Variants in GSR observed in about 807,000 individuals in gnomAD.
The protein encoded by GSR is glutathione-disulfide reductase, also known as glutathione reductase, mitochondrial.
Under a neutral mutation model 56.5 loss-of-function variants are expected in GSR, and 48 were observed. The ratio of observed to expected loss-of-function variants is 0.85; its 90% CI spans 0.67 to 1.08. The LOEUF (loss-of-function observed/expected upper bound fraction) is 1.08. GSR is among the 50% of genes least tolerant of loss of function. GSR has a pLI of 0.00. For synonymous variants in GSR, 264 were observed against 270.8 expected (o/e 0.97, Z 0.25); for missense variants, 694 against 703.3 (o/e 0.99, Z 0.15).
chr8:30,714,238 G>A (rs1804251955), intron 1 of GSR, among the ~76,000 whole-genome samples: 1 of 104,662 alleles, frequency 9.6e-6, no homozygotes, highest in African/African-American at 3.7e-5. Flanking sequence ...TTGAGACAGA[G>A]TCTTGCTCTG....
In GSR at chr8:30,722,279, C is replaced by T. The variant is rs192110790; in HGVS notation, c.306+5251G>A. Among the ~76,000 whole-genome samples, 589 of 152,330 alleles carry T rather than the reference C, an allele frequency of 3.9e-3. 3 individuals carry two copies. The highest frequency in any genetic ancestry group is 6.9e-3 in the Non-Finnish European group (468 of 68,036). On this transcript the variant is annotated intron_variant, in intron 1 of 12. Coordinates refer to ENST00000221130, the MANE Select transcript of GSR (RefSeq NM_000637.5). ...TTTATGGCCACTCCTTTATTTGTCA[C>T]TTATGAATATGGGTGGGCCCCATTC...
intron 10 of GSR, 69 bp downstream of exon 10, chr8:30,684,019 G>C (rs143145312): frequency 1.2e-6 from 1 of 835,004 alleles, no homozygotes; most frequent in Non-Finnish European, 2.1e-6. Flanking sequence ...CTGCAGATTT[G>C]ACAGTGAAGA....
At chr8:30,716,483 G>A (rs1236998382) in intron 1 of GSR, among the ~76,000 whole-genome samples, 1 of 152,206 alleles carries the variant, frequency 6.6e-6, no homozygotes, top group Non-Finnish European at 1.5e-5. Context: ...AACATGACAT[G>A]ACTTCAGCGC....
rs755631881 is a variant in GSR at position 30,681,953 on chromosome 8, A to G, written c.1262T>C (p.Ile421Thr). ...ACCTTCCGTGAGTCCCACTGTCCCAATAGGGGGGTGGCTGAAGACCACAGT... is the reference window on the plus strand; with the variant it reads ...ACCTTCCGTGAGTCCCACTGTCCCAGTAGGGGGGTGGCTGAAGACCACAGT... ...IPTVVFSHPPIGTVGLTEDEA... is the reference protein window; with the variant it reads ...IPTVVFSHPPTGTVGLTEDEA... Residue 421 changes from isoleucine (I) to threonine (T), a missense_variant, in exon 11 of 13, where the codon ATT (isoleucine) becomes ACT (threonine). Transcript: ENST00000221130. 2.5e-6 allele frequency: 4 copies of G among 1,613,654 alleles called. No individual in the cohort carries two copies. The highest frequency in any genetic ancestry group is 2.7e-5 in the African/African-American group (2 of 74,942).
chr8:30,702,071 C>G (rs1272311386), intron 5 of GSR, among the ~76,000 whole-genome samples: 3 of 150,962 alleles, frequency 2.0e-5, no homozygotes, highest in Non-Finnish European at 1.5e-5. Flanking sequence ...AATAATAGGC[C>G]GGGCACAGTG....
rs986326872 is a variant in GSR, at chr8:30,713,839, C to G, written c.307-1751G>C. ...GAAAAGTAGTCACATATTATGCTCC[C>G]GTGTCCAAAGATGCATTTATGGGGC... On this transcript the variant is annotated intron_variant, in intron 1 of 12. Coordinates refer to ENST00000221130, the MANE Select transcript of GSR (RefSeq NM_000637.5). Among the ~76,000 whole-genome samples, 8 of 152,118 alleles carry G rather than the reference C, an allele frequency of 5.3e-5. 1 individual carries two copies. The highest frequency in any genetic ancestry group is 5.2e-4 in the Admixed American group (8 of 15,258).
At chr8:30,717,001 G>A (rs1041511336) in intron 1 of GSR, among the ~76,000 whole-genome samples, 5 of 152,152 alleles carry the variant, frequency 3.3e-5, no homozygotes, top group African/African-American at 4.8e-5. Context: ...ACTTCGGGAG[G>A]CCGAGGCGGG....
intron 9 of GSR, among the ~76,000 whole-genome samples, chr8:30,688,097 C>A (rs780837027): frequency 1.8e-4 from 28 of 152,180 alleles, no homozygotes; most frequent in Non-Finnish European, 8.8e-5. Context: ...ACAGACAGCA[C>A]GGGTAGAGCC....
intron 6 of GSR, among the ~76,000 whole-genome samples, chr8:30,697,473 T>C (rs571660396): frequency 6.7e-6 from 1 of 149,524 alleles, no homozygotes; most frequent in African/African-American, 2.5e-5. Context: ...AAAGTAAAAA[T>C]AAAAATTATC....
intron 2 of GSR, among the ~76,000 whole-genome samples, chr8:30,710,714 C>CAAAAAAAAAAAAAAAAAAAAAAAAAAAA (rs60532553): frequency 2.2e-4 from 11 of 51,032 alleles, no homozygotes; most frequent in South Asian, 6.8e-4. Context: ...GACTCTGTCT[C>CAAAAAAAAAAAAAAAAAAAAAAAAAAAA]AAAAAAAAAA....
intron 3 of GSR, among the ~76,000 whole-genome samples, chr8:30,708,996 T>C (rs1298583220): frequency 6.8e-6 from 1 of 146,046 alleles, no homozygotes; most frequent in Non-Finnish European, 1.5e-5. Context: ...AACCCAAAAA[T>C]TCACTAACAA....
intron 1 of GSR, among the ~76,000 whole-genome samples, chr8:30,724,338 A>G (rs2739002): frequency 0.91 from 138,651 of 152,136 alleles, 64,100 homozygotes; most frequent in East Asian, 1. Flanking sequence ...GCTCAAACCC[A>G]CCCCTGCCCC....
Position 30,727,736 on chromosome 8 carries a change from C to G in GSR, c.100G>C (p.Ala34Pro). Residue 34 changes from alanine (A) to proline (P), a missense_variant, in exon 1 of 13, where the codon GCG (alanine) becomes CCG (proline). Coordinates refer to ENST00000221130, the MANE Select transcript of GSR (RefSeq NM_000637.5). Reference protein sequence around the residue: ...RGFLLLLPEPAALTRALSRAM... With the variant: ...RGFLLLLPEPPALTRALSRAM... ...CGGGAGAGGGCGCGCGTGAGGGCCG[C>G]GGGCTCGGGCAGAAGCAGCAGGAAG... The G allele has an allele frequency of 7.1e-7, 1 of 1,398,658 alleles. No homozygotes were observed. The highest frequency in any genetic ancestry group is 9.3e-7 in the Non-Finnish European group (1 of 1,079,344). The allele number at this position is 1,398,658 out of a possible 1,614,324, so 86.6% of individuals were successfully genotyped here.
chr8:30,710,687 G>C (rs1025736517), intron 2 of GSR, among the ~76,000 whole-genome samples: 6 of 110,470 alleles, frequency 5.4e-5, no homozygotes, highest in African/African-American at 2.0e-4. Context: ...ACTGCATTCC[G>C]GCCTGGGCAA....
chr8:30,684,165 A>G lies in GSR; in HGVS notation c.1076T>C (p.Val359Ala). ...IQTDDKGHII[V>A]DEFQNTNVKG... ...GACGTTGGTATTCTGGAATTCGTCT[A>G]CGATGATATGACCCTTGTCATCGGT... Residue 359 changes from valine (V) to alanine (A), a missense_variant, in exon 10 of 13, where the codon GTA becomes GCA. Coordinates refer to ENST00000221130, the MANE Select transcript of GSR (RefSeq NM_000637.5). The G allele has an allele frequency of 3.7e-6, 6 of 1,608,450 alleles. No homozygotes were observed. In the South Asian group the frequency reaches 6.6e-5, roughly 18 times the overall value.
rs756674032 is a variant in GSR at position 30,703,119 on chromosome 8, G to A, written c.614C>T (p.Ser205Phe). Residue 205 changes from serine to phenylalanine, a missense_variant, in exon 5 of 13, where the codon TCC becomes TTC. Coordinates refer to ENST00000221130, the MANE Select transcript of GSR (RefSeq NM_000637.5). Reference protein sequence around the residue: ...HILIATGGMPSTPHESQIPGA... With the variant: ...HILIATGGMPFTPHESQIPGA... ...GGGGATCTGGCTCTCATGAGGGGTG[G>A]AGGGCATACCACCTGTGGCGATCAG... 25 of 1,614,026 alleles carry A rather than the reference G, an allele frequency of 1.5e-5. No individual in the cohort carries two copies. Among genetic ancestry groups the A allele is most frequent in the Non-Finnish European group, 2.0e-5 (24 of 1,180,030 alleles).
intron 2 of GSR, among the ~76,000 whole-genome samples, chr8:30,711,291 G>C (rs1357193913): frequency 6.6e-6 from 1 of 152,140 alleles, no homozygotes; most frequent in East Asian, 1.9e-4. Context: ...CAAATGAGTG[G>C]TAAAATTCTT....
rs1187411908 is a variant in GSR at position 30,727,680 on chromosome 8, C to A, written c.156G>T (p.Pro52=). 1.4e-6 allele frequency: 2 copies of A among 1,439,048 alleles called. No individual in the cohort carries two copies. Among genetic ancestry groups the A allele is most frequent in the Non-Finnish European group, 9.0e-7 (1 of 1,105,748 alleles). The allele number at this position is 1,439,048 out of a possible 1,614,324, so 89.1% of individuals were successfully genotyped here. A position where few individuals can be genotyped will look rare whatever the true frequency, so the allele number is the denominator to read the frequency against. The change falls in exon 1 of 13, where the codon CCG becomes CCT. Residue 52 remains proline (P), a synonymous_variant. Transcript: ENST00000221130. Reference sequence around the variant, plus strand: ...CGCCAGCAGCGGGCGGCGGGCCCTGCGGCTGCGGCTCCTGCCTGCAGGCCA... The same window carrying A: ...CGCCAGCAGCGGGCGGCGGGCCCTGAGGCTGCGGCTCCTGCCTGCAGGCCA... The part of the protein sequence containing the change: ...RAMACRQEPQ[P]QGPPPAAGAV...
intron 4 of GSR, among the ~76,000 whole-genome samples, chr8:30,703,685 T>G (rs1279087223): frequency 6.7e-6 from 1 of 150,064 alleles, no homozygotes; most frequent in African/African-American, 2.5e-5. Context: ...AGGTTGAGGC[T>G]GCAGTGAGCT....
Sources: allele counts gnomAD v4.1 joint callset (sites outside exome capture counted in the v4.1 genomes callset), GRCh38; gene constraint gnomAD v4.1.1; transcripts MANE v1.5; gene names NCBI Gene and HGNC (gene_info 2026-07-23, HGNC 2026-07-21).